Variants in ZBTB20 observed in about 807,000 individuals in gnomAD.
ZBTB20 encodes the protein zinc finger and BTB domain-containing protein 20.
Under a neutral mutation model 56.9 loss-of-function variants are expected in ZBTB20, and 9 were observed. That is an observed-to-expected ratio of 0.16 (90% confidence interval 0.10 to 0.28). ZBTB20 has a LOEUF of 0.28. ZBTB20 is among the 10% of genes least tolerant of loss of function. The pLI is 1.00. For synonymous variants in ZBTB20, 417 were observed against 420.7 expected, an observed-to-expected ratio of 0.99 and a Z score of 0.11; for missense variants, 655 against 1,003.0, an observed-to-expected ratio of 0.65 and a Z score of 4.69.
intron 2 of ZBTB20, among the ~76,000 whole-genome samples, chr3:115,040,931 G>T (rs1048586151): frequency 6.6e-5 from 10 of 152,056 alleles, no homozygotes; most frequent in Non-Finnish European, 1.3e-4. Flanking sequence ...TTCTGAGCCT[G>T]TATTTTTGAC....
chr3:114,486,701 A>G (rs1425356052), intron 7 of ZBTB20, among the ~76,000 whole-genome samples: 2 of 152,246 alleles, frequency 1.3e-5, no homozygotes, highest in Non-Finnish European at 2.9e-5. Context: ...CTTTCATGAG[A>G]CACACGGTTC....
rs576198071 is a variant in ZBTB20, at chr3:114,371,489, G to T, written c.199+8728C>A. On this transcript the variant is annotated intron_variant, in intron 10 of 11. Transcript: ENST00000675478. Reference sequence around the variant, plus strand: ...TCTTTAACCACGCTGCATGGAAGTTGTTTGTGAATGTTATTTGATCTTCTC... The same window carrying T: ...TCTTTAACCACGCTGCATGGAAGTTTTTTGTGAATGTTATTTGATCTTCTC... 1.1e-4 allele frequency among the ~76,000 whole-genome samples: 16 copies of T among 152,268 alleles called. No homozygotes were observed. In the South Asian group the frequency reaches 3.3e-3, roughly 32 times the overall value.
chr3:114,924,362 C>T (rs559978173), intron 3 of ZBTB20, among the ~76,000 whole-genome samples: 1 of 152,118 alleles, frequency 6.6e-6, no homozygotes, highest in East Asian at 1.9e-4. Context: ...TACATATACA[C>T]AATGAAATAT....
chr3:114,611,930 C>T (rs370768944), intron 6 of ZBTB20, among the ~76,000 whole-genome samples: 1 of 152,154 alleles, frequency 6.6e-6, no homozygotes, highest in East Asian at 1.9e-4. Context: ...AGCTATTGTT[C>T]TCATCACCCA....
chr3:114,780,557 G>A (rs756235072), intron 5 of ZBTB20, among the ~76,000 whole-genome samples: 3 of 152,036 alleles, frequency 2.0e-5, no homozygotes, highest in Non-Finnish European at 4.4e-5. Context: ...GTGCGATCTC[G>A]GCTCACTGCA....
chr3:114,463,630 T>C (rs2092421752), intron 7 of ZBTB20, among the ~76,000 whole-genome samples: 1 of 152,234 alleles, frequency 6.6e-6, no homozygotes, highest in Non-Finnish European at 1.5e-5. Context: ...AGGCTTTTTC[T>C]TGATTGCTTA....
At chr3:114,750,041 G>C (rs1358937543) in intron 5 of ZBTB20, among the ~76,000 whole-genome samples, 1 of 152,154 alleles carries the variant, frequency 6.6e-6, no homozygotes, top group Non-Finnish European at 1.5e-5. Context: ...ATACTCTTTA[G>C]AGATTTTTTA....
At chr3:114,474,171 G>A (rs1260655145) in intron 7 of ZBTB20, among the ~76,000 whole-genome samples, 1 of 152,176 alleles carries the variant, frequency 6.6e-6, no homozygotes, top group African/African-American at 2.4e-5. Flanking sequence ...CCCACATGTG[G>A]GAATTGTGGG....
At chr3:114,973,587 G>T (rs762717457) in intron 3 of ZBTB20, among the ~76,000 whole-genome samples, 6 of 152,106 alleles carry the variant, frequency 3.9e-5, no homozygotes, top group Non-Finnish European at 8.8e-5. Flanking sequence ...GTGTGCACTG[G>T]TGTAAAGAAA....
intron 4 of ZBTB20, among the ~76,000 whole-genome samples, chr3:114,839,465 A>AAGAAAGAAAGAG (rs767019231): frequency 1.1e-3 from 167 of 148,252 alleles, no homozygotes; most frequent in African/African-American, 2.9e-3. Flanking sequence ...GAAAGAAAGA[A>AAGAAAGAAAGAG]AGAGAGAGAG....
chr3:114,640,418 C>T (rs1469963781), intron 6 of ZBTB20, among the ~76,000 whole-genome samples: 1 of 152,028 alleles, frequency 6.6e-6, no homozygotes, highest in Non-Finnish European at 1.5e-5. Context: ...CGCTTAAGAA[C>T]CAAATTCAAG....
At chr3:114,964,008 C>G (rs1208196781) in intron 3 of ZBTB20, among the ~76,000 whole-genome samples, 1 of 152,118 alleles carries the variant, frequency 6.6e-6, no homozygotes, top group Non-Finnish European at 1.5e-5. Flanking sequence ...ATAGTCTAAT[C>G]AATTTAGTAA....
intron 7 of ZBTB20, among the ~76,000 whole-genome samples, chr3:114,408,086 T>C (rs961695838): frequency 3.9e-5 from 6 of 152,234 alleles, no homozygotes; most frequent in African/African-American, 7.2e-5. Flanking sequence ...TCTAGTCGTC[T>C]GTCTCCCAGT....
intron 1 of ZBTB20, among the ~76,000 whole-genome samples, chr3:115,083,905 A>C (rs972722937): frequency 6.6e-6 from 1 of 151,980 alleles, no homozygotes; most frequent in Non-Finnish European, 1.5e-5. Context: ...TTAATATAAA[A>C]TGTAAATGGT....
intron 6 of ZBTB20, among the ~76,000 whole-genome samples, chr3:114,628,954 G>A (rs1056145826): frequency 1.3e-5 from 2 of 152,154 alleles, no homozygotes; most frequent in Admixed American, 6.6e-5. Flanking sequence ...AGCTATCTCA[G>A]AAATATCTCA....
At chr3:114,629,944 T>C (rs1001688) in intron 6 of ZBTB20, among the ~76,000 whole-genome samples, 11,687 of 152,106 alleles carry the variant, frequency 0.077, 476 homozygotes, top group Middle Eastern at 0.15. Flanking sequence ...GCCTAGGAGC[T>C]GAAGACTAGT....
At chr3:114,875,839 T>G (rs1001081798) in intron 4 of ZBTB20, among the ~76,000 whole-genome samples, 3 of 152,222 alleles carry the variant, frequency 2.0e-5, no homozygotes, top group Non-Finnish European at 4.4e-5. Flanking sequence ...CTTTGTGAAC[T>G]GCAAGACACT....
intron 3 of ZBTB20, among the ~76,000 whole-genome samples, chr3:114,920,109 G>A (rs183370622): frequency 6.6e-6 from 1 of 152,094 alleles, no homozygotes; most frequent in East Asian, 1.9e-4. Context: ...CTCAACATTA[G>A]AGAATCTAAA....
rs1198011055 is a variant in ZBTB20, at chr3:114,908,994, A to C, written c.-455-8652T>G. Among the ~76,000 whole-genome samples the C allele has an allele frequency of 2.6e-5, 4 of 152,146 alleles. No individual in the cohort carries two copies. In the East Asian group the frequency reaches 7.7e-4, roughly 29 times the overall value. On this transcript the variant is annotated intron_variant, in intron 3 of 11. Transcript: ENST00000675478. ...AAGTATTTAAGAATGAAAAAAAATA[A>C]AGACAAAAATGCAATATCTGAAATG...
Sources: allele counts gnomAD v4.1 joint callset (sites outside exome capture counted in the v4.1 genomes callset), GRCh38; gene constraint gnomAD v4.1.1; transcripts MANE v1.5; gene names NCBI Gene and HGNC (gene_info 2026-07-23, HGNC 2026-07-21).